TOP1: variants seen among roughly 807,000 people sequenced by gnomAD.
The protein encoded by TOP1 is DNA topoisomerase 1.
A neutral mutation model predicts 111.1 loss-of-function variants in TOP1; 10 were observed. The ratio of observed to expected loss-of-function variants is 0.09; its 90% confidence interval spans 0.06 to 0.15. The LOEUF is 0.15. Ranked by LOEUF, TOP1 falls within the 10% of genes least tolerant of loss-of-function variation. The probability of loss-of-function intolerance (pLI) is 1.00; values close to 1 mark genes in which losing one functional copy is unlikely to be tolerated. For missense variants in TOP1, 474 were observed against 926.7 expected, an observed-to-expected ratio of 0.51 and a Z score of 6.34; for synonymous variants, 271 against 302.9, an observed-to-expected ratio of 0.89 and a Z score of 1.10.
chr20:41,041,140 T>C (rs1201025363), intron 2 of TOP1, among the ~76,000 whole-genome samples: 75 of 152,150 alleles, frequency 4.9e-4, no homozygotes, highest in Non-Finnish European at 1.3e-4. Flanking sequence ...TTATCCTCTT[T>C]TAATATTTCA....
At position 41,076,172 on chromosome 20, in the gene TOP1, G is replaced by T; in HGVS notation, c.157G>T (p.Glu53Ter). Residue 53 changes from glutamate (E) to a stop codon, truncating the protein, a stop_gained and splice_region_variant, in exon 4 of 21, where the codon GAA (glutamate) becomes TAA (stop). Coordinates refer to ENST00000361337, the MANE Select transcript of TOP1 (RefSeq NM_003286.4). LOFTEE classifies it high-confidence loss of function. ...DREKSKHSNS[E>*]HKDSEKKHKE... ...GCTTTGTGACTTAACTTTTTACAGT[G>T]AACATAAAGATTCTGAAAAGAAACA... 6.2e-7 allele frequency: 1 copy of T among 1,607,620 alleles called. No individual in the cohort carries two copies. Among genetic ancestry groups the T allele is most frequent in the South Asian group, 1.1e-5 (1 of 89,900 alleles).
intron 3 of TOP1, chr20:41,072,481 T>C: frequency 1.0e-6 from 1 of 985,432 alleles, no homozygotes; most frequent in Non-Finnish European, 1.2e-6. Flanking sequence ...TGACCCCACA[T>C]TGACTCCATT....
chr20:41,092,352 C>T lies in TOP1; in HGVS notation c.615-120C>T. Reference sequence around the variant, plus strand: ...TTTGATCCAGGCCTTGAATGTGAGGCCCAGAAGTCATTCCAGAGCACTAAT... The same window carrying T: ...TTTGATCCAGGCCTTGAATGTGAGGTCCAGAAGTCATTCCAGAGCACTAAT... On this transcript the variant is annotated intron_variant, in intron 8 of 20. Transcript: ENST00000361337. The surrounding 1 kb of genome is among the most constrained non-coding windows in gnomAD (Gnocchi z 4.3). 2.0e-6 allele frequency: 1 copy of T among 509,078 alleles called. No homozygotes were observed. The highest frequency in any genetic ancestry group is 3.6e-6 in the Non-Finnish European group (1 of 281,384). 31.5% of individuals were successfully genotyped at this position (509,078 alleles called of 1,614,324 possible). A position where few individuals can be genotyped will look rare whatever the true frequency, so the allele number is the denominator to read the frequency against.
rs147464770 is a variant in TOP1 at position 41,034,902 on chromosome 20, G to C, written c.58+5447G>C. Among the ~76,000 whole-genome samples the C allele has an allele frequency of 1.2e-4, 18 of 152,012 alleles. 1 individual carries two copies. In the South Asian group the frequency reaches 2.5e-3, roughly 21 times the overall value. The stretch of plus-strand genomic sequence containing the variant: ...CCTTTACTTTTTTTTTGGGCGGGGT[G>C]GGGGGCAGACAGGGTTTCTGTTTGT... On this transcript the variant is annotated intron_variant, in intron 2 of 20. Transcript: ENST00000361337. The surrounding 1 kb of genome is among the most constrained non-coding windows in gnomAD (Gnocchi z 4.0).
chr20:41,117,491 AT>A (rs1214966845), intron 17 of TOP1, among the ~76,000 whole-genome samples: 2 of 136,294 alleles, frequency 1.5e-5, no homozygotes, highest in East Asian at 4.5e-4. Context: ...GGTTCACGCC[AT>A]TCTCCTGCCT....
chr20:41,104,423 G>A (rs1380917096), intron 13 of TOP1, among the ~76,000 whole-genome samples: 1 of 152,198 alleles, frequency 6.6e-6, no homozygotes, highest in African/African-American at 2.4e-5. Flanking sequence ...AGAGGTGACA[G>A]ATACATAATG....
chr20:41,073,538 T>C, intron 3 of TOP1: 3 of 920,564 alleles, frequency 3.3e-6, no homozygotes, highest in Non-Finnish European at 2.6e-6. Flanking sequence ...CATGGCTGTT[T>C]CTTAACACCA....
At chr20:41,054,512 A>G (rs1030569847) in intron 2 of TOP1, among the ~76,000 whole-genome samples, 4 of 152,210 alleles carry the variant, frequency 2.6e-5, no homozygotes, top group African/African-American at 9.7e-5. Flanking sequence ...ACAGATACCT[A>G]GATACCCATT....
chr20:41,111,342 T>G (rs977310926), intron 13 of TOP1, among the ~76,000 whole-genome samples: 1 of 152,142 alleles, frequency 6.6e-6, no homozygotes, highest in Non-Finnish European at 1.5e-5. Context: ...GTACTAAGAC[T>G]TAGGTATTTT....
At chr20:41,065,377 T>G (rs1252430258) in intron 3 of TOP1, among the ~76,000 whole-genome samples, 3 of 152,354 alleles carry the variant, frequency 2.0e-5, no homozygotes, top group African/African-American at 7.2e-5. Context: ...TTAAGTCACT[T>G]TGGCTTATCT....
intron 3 of TOP1, among the ~76,000 whole-genome samples, chr20:41,062,778 ACTAT>A (rs959105102): frequency 3.9e-5 from 6 of 152,214 alleles, no homozygotes; most frequent in Non-Finnish European, 5.9e-5. Flanking sequence ...CAGAGATTTT[ACTAT>A]CTTTCTCAAT....
chr20:41,092,440 C>A lies in TOP1; in HGVS notation c.615-32C>A. On this transcript the variant is annotated intron_variant, in intron 8 of 20. Transcript: ENST00000361337. The surrounding 1 kb of genome is among the most constrained non-coding windows in gnomAD (Gnocchi z 4.3). ...TGATCCCCATGTTAGACAAGGCGAT[C>A]ACTAAATGAGGCTGTGCTTTGTCTT... 1 of 1,093,350 alleles carries A rather than the reference C, an allele frequency of 9.1e-7. No homozygotes were observed. Among genetic ancestry groups the A allele is most frequent in the Non-Finnish European group, 1.3e-6 (1 of 749,504 alleles). 67.7% of individuals were successfully genotyped at this position (1,093,350 alleles called of 1,614,324 possible).
intron 2 of TOP1, among the ~76,000 whole-genome samples, chr20:41,060,484 C>A (rs1249286391): frequency 6.6e-6 from 1 of 152,194 alleles, no homozygotes; most frequent in East Asian, 1.9e-4. Flanking sequence ...CAGATCAGTG[C>A]TTCCTTTGGG....
chr20:41,038,963 G>A (rs2033224472), intron 2 of TOP1, among the ~76,000 whole-genome samples: 1 of 150,522 alleles, frequency 6.6e-6, no homozygotes, highest in Admixed American at 6.6e-5. Context: ...TACCTACCCC[G>A]TTTTGGGCAA....
In TOP1 at chr20:41,101,458, C is replaced by A; in HGVS notation, c.1308+105C>A. The A allele has an allele frequency of 7.9e-7, 1 of 1,263,686 alleles. No individual in the cohort carries two copies. Among genetic ancestry groups the A allele is most frequent in the Non-Finnish European group, 1.1e-6 (1 of 928,704 alleles). 78.3% of individuals were successfully genotyped at this position (1,263,686 alleles called of 1,614,324 possible). A position where few individuals can be genotyped will look rare whatever the true frequency, so the allele number is the denominator to read the frequency against. On this transcript the variant is annotated intron_variant, in intron 13 of 20. Coordinates refer to ENST00000361337, the MANE Select transcript of TOP1 (RefSeq NM_003286.4). This position sits in a 1 kb window ranked among gnomAD's most constrained non-coding sequence, Gnocchi z 4.1. ...AGAATCACTTTGACAAATTAAAAAT[C>A]CTCCCCATTGAAAGAAGGCAAGTAC... is the stretch of plus-strand genomic sequence containing the variant.
intron 8 of TOP1, among the ~76,000 whole-genome samples, chr20:41,091,703 C>T (rs1432559194): frequency 2.6e-5 from 4 of 151,534 alleles, no homozygotes; most frequent in East Asian, 1.9e-4. Context: ...ACTACAGGTG[C>T]GCGCCACCAT....
At position 41,058,972 on chromosome 20, in the gene TOP1, G is replaced by A. The variant is rs577912664; in HGVS notation, c.59-2422G>A. Among the ~76,000 whole-genome samples, 11 of 152,210 alleles carry A rather than the reference G, an allele frequency of 7.2e-5. No homozygotes were observed. The highest frequency in any genetic ancestry group is 9.6e-5 in the African/African-American group (4 of 41,544). ...AAAGAATGTGGCGCATGTACACCAC[G>A]GAATACTGTGCAGCCATAAGAAGAA... On this transcript the variant is annotated intron_variant, in intron 2 of 20. Coordinates refer to ENST00000361337, the MANE Select transcript of TOP1 (RefSeq NM_003286.4). The surrounding 1 kb of genome is among the most constrained non-coding windows in gnomAD (Gnocchi z 4.2).
chr20:41,035,220 G>A (rs1229660685), intron 2 of TOP1, among the ~76,000 whole-genome samples: 1 of 152,006 alleles, frequency 6.6e-6, no homozygotes, highest in East Asian at 1.9e-4. Flanking sequence ...TTTTTCATTT[G>A]TTGTCTTAAG....
At chr20:41,096,641 A>T (rs943022577) in intron 9 of TOP1, among the ~76,000 whole-genome samples, 1 of 152,224 alleles carries the variant, frequency 6.6e-6, no homozygotes, top group Non-Finnish European at 1.5e-5. Context: ...GTTGAATAGC[A>T]AAGTTCTAGA....
Sources: gnomAD v4.1 joint callset for allele counts (sites outside exome capture counted in the v4.1 genomes callset) on GRCh38, gnomAD v4.1.1 for gene constraint, Gnocchi (gnomAD v3.1) non-coding constraint, MANE v1.5 for transcripts, NCBI Gene and HGNC (gene_info 2026-07-23, HGNC 2026-07-21) for gene names.